Variants in JAM2 observed in about 807,000 individuals in gnomAD.
The protein encoded by JAM2 is junctional adhesion molecule B.
In JAM2, 17 loss-of-function variants were observed where a neutral mutation model predicts 42.0. That is an observed-to-expected ratio of 0.40 (90% CI 0.28 to 0.61). JAM2 has a LOEUF of 0.61. JAM2 is among the 20% of genes least tolerant of loss of function. JAM2 has a pLI of 0.37. For missense variants in JAM2, 319 were observed against 358.3 expected, an observed-to-expected ratio of 0.89 and a Z score of 0.89; for synonymous variants, 118 against 128.6, an observed-to-expected ratio of 0.92 and a Z score of 0.56.
rs374795539 is a variant in JAM2, at chr21:25,646,622, A to T, written c.67+6734A>T. ...AGAGAGAGAGAGGGAGGATGGATGG[A>T]TGTGTGCTCAGATAAATGCCTGCTG... is the stretch of plus-strand genomic sequence containing the variant. On this transcript the variant is annotated intron_variant, in intron 1 of 9. Coordinates refer to ENST00000480456, the MANE Select transcript of JAM2 (RefSeq NM_021219.4). Among the ~76,000 whole-genome samples, 8 of 151,934 alleles carry T rather than the reference A, an allele frequency of 5.3e-5. No individual in the cohort carries two copies. The East Asian group carries it at 1.3e-3, about 26-fold the overall frequency.
At chr21:25,683,477 A>G (rs1314637276) in intron 1 of JAM2, among the ~76,000 whole-genome samples, 1 of 152,230 alleles carries the variant, frequency 6.6e-6, no homozygotes, top group Non-Finnish European at 1.5e-5. Context: ...ATTGTCAAGG[A>G]TAAATTCATA....
chr21:25,669,390 A>G (rs1261192794), intron 1 of JAM2, among the ~76,000 whole-genome samples: 1 of 70,938 alleles, frequency 1.4e-5, no homozygotes, highest in Admixed American at 1.4e-4. Flanking sequence ...GAAAAAAAAG[A>G]AAAAAAGAAA....
chr21:25,698,161 G>A (rs914028811), intron 4 of JAM2, among the ~76,000 whole-genome samples: 2 of 152,204 alleles, frequency 1.3e-5, no homozygotes, highest in African/African-American at 4.8e-5. Flanking sequence ...TCAGTGAGTT[G>A]CTTAATAGTA....
intron 5 of JAM2, among the ~76,000 whole-genome samples, chr21:25,701,090 T>G (rs1355875177): frequency 6.6e-6 from 1 of 152,146 alleles, no homozygotes; most frequent in Non-Finnish European, 1.5e-5. Context: ...CAACAAAGAC[T>G]CCAGTGTATG....
At chr21:25,713,906 T>TG (rs1393718254) in intron 9 of JAM2, among the ~76,000 whole-genome samples, 4 of 152,252 alleles carry the variant, frequency 2.6e-5, no homozygotes, top group Non-Finnish European at 5.9e-5. Flanking sequence ...TCCTCTCAGT[T>TG]GCCCTTATCA....
In JAM2 at chr21:25,658,583, C is replaced by T. The variant is rs574790164; in HGVS notation, c.67+18695C>T. Among the ~76,000 whole-genome samples, 29 of 152,072 alleles carry T rather than the reference C, an allele frequency of 1.9e-4. 1 individual carries two copies. The South Asian group carries it at 5.6e-3, about 29-fold the overall frequency. On this transcript the variant is annotated intron_variant, in intron 1 of 9. Coordinates refer to ENST00000480456, the MANE Select transcript of JAM2 (RefSeq NM_021219.4). ...AGTGCCCAGAGTAATAATGGACAAC[C>T]AACAGAACCAGTGTCATGGAAGCTG...
At chr21:25,643,411 CCTGATCCAGGCG>C (rs1456514893) in intron 1 of JAM2, 1 of 152,166 alleles carries the variant, frequency 6.6e-6, no homozygotes. Flanking sequence ...TGGACTGGAA[CCTGATCCAGGCG>C]CTTAGCCTGA....
intron 1 of JAM2, among the ~76,000 whole-genome samples, chr21:25,667,260 A>G (rs1417337195): frequency 3.3e-5 from 5 of 152,156 alleles, no homozygotes; most frequent in African/African-American, 4.8e-5. Flanking sequence ...CTGTCATCCA[A>G]TCAGTGACAT....
intron 8 of JAM2, 150 bp from the exon 9 acceptor site, chr21:25,712,190 T>A (rs375785145): frequency 1.5e-6 from 1 of 671,382 alleles, no homozygotes. Context: ...TATAAGAAAT[T>A]CAGTAAGAAT....
chr21:25,648,275 CACAATGGAATAA>C (rs1242926318), intron 1 of JAM2, among the ~76,000 whole-genome samples: 9 of 152,108 alleles, frequency 5.9e-5, no homozygotes. Context: ...GCAGAACTGA[CACAATGGAATAA>C]ACAATAACTC....
chr21:25,686,628 A>C (rs1160050459), intron 2 of JAM2, among the ~76,000 whole-genome samples: 1 of 152,234 alleles, frequency 6.6e-6, no homozygotes, highest in Non-Finnish European at 1.5e-5. Flanking sequence ...TTACATGAGC[A>C]GCCCTCTGCA....
At chr21:25,671,841 G>A (rs1305680947) in intron 1 of JAM2, among the ~76,000 whole-genome samples, 6 of 152,170 alleles carry the variant, frequency 3.9e-5, no homozygotes, top group East Asian at 3.8e-4. Context: ...GAAATGCTAA[G>A]ATAACCTCAT....
At chr21:25,682,073 A>G (rs1464572644) in intron 1 of JAM2, among the ~76,000 whole-genome samples, 1 of 152,202 alleles carries the variant, frequency 6.6e-6, no homozygotes, top group Non-Finnish European at 1.5e-5. Context: ...TCTCATTAGT[A>G]TACAATAAGG....
At chr21:25,696,231 T>A (rs978356199) in intron 4 of JAM2, among the ~76,000 whole-genome samples, 1 of 151,916 alleles carries the variant, frequency 6.6e-6, no homozygotes, top group East Asian at 1.9e-4. Context: ...ACCAAAAAAA[T>A]ACGAAAACCA....
At chr21:25,656,668 T>C (rs1203631109) in intron 1 of JAM2, among the ~76,000 whole-genome samples, 1 of 152,194 alleles carries the variant, frequency 6.6e-6, no homozygotes. Flanking sequence ...AAATACACTA[T>C]GAATTTATGA....
chr21:25,680,447 G>A (rs1304033161), intron 1 of JAM2, among the ~76,000 whole-genome samples: 1 of 152,220 alleles, frequency 6.6e-6, no homozygotes, highest in East Asian at 1.9e-4. Context: ...GGGATGAGAG[G>A]ATGGGTGCAT....
chr21:25,710,587 G>C (rs1216170598), intron 8 of JAM2, among the ~76,000 whole-genome samples: 1 of 152,196 alleles, frequency 6.6e-6, no homozygotes, highest in Non-Finnish European at 1.5e-5. Flanking sequence ...CGTTCAGGCA[G>C]AGGGGAGAGA....
chr21:25,702,032 T>C, intron 5 of JAM2, 138 bp from the exon 6 acceptor site: 1 of 471,212 alleles, frequency 2.1e-6, no homozygotes. Flanking sequence ...ATTTTTAAAT[T>C]CATAGTAAAG....
Position 25,673,634 on chromosome 21 carries a change from G to C in JAM2, c.68-10249G>C, listed in dbSNP as rs181836878. Among the ~76,000 whole-genome samples, 3 of 152,318 alleles carry C rather than the reference G, an allele frequency of 2.0e-5. No homozygotes were observed. The East Asian group carries it at 5.8e-4, about 29-fold the overall frequency. ...TGTGTCTGGCGGTCTTATGTCTGGA[G>C]CTACTTTCTCATAATGCCTTGTACT... On this transcript the variant is annotated intron_variant, in intron 1 of 9. Coordinates refer to ENST00000480456, the MANE Select transcript of JAM2 (RefSeq NM_021219.4).
Sources: allele counts gnomAD v4.1 joint callset (sites outside exome capture counted in the v4.1 genomes callset), GRCh38; gene constraint gnomAD v4.1.1; transcripts MANE v1.5; gene names NCBI Gene and HGNC (gene_info 2026-07-23, HGNC 2026-07-21).